AFAP1: variants seen among roughly 807,000 people sequenced by gnomAD.
The protein encoded by AFAP1 is actin filament associated protein 1.
A neutral mutation model predicts 93.9 loss-of-function variants in AFAP1; 75 were observed. The ratio of observed to expected loss-of-function variants is 0.80; its 90% CI spans 0.66 to 0.97. The LOEUF is 0.97. AFAP1 is among the 50% of genes least tolerant of loss of function. The pLI is 0.00. For missense variants in AFAP1, 1,201 were observed against 1,050.8 expected (o/e 1.14, Z -1.98); for synonymous variants, 517 against 430.7 (o/e 1.20, Z -2.48).
intron 5 of AFAP1, among the ~76,000 whole-genome samples, chr4:7,840,916 T>G (rs955120575): frequency 2.0e-5 from 3 of 152,242 alleles, no homozygotes; most frequent in African/African-American, 7.2e-5. Flanking sequence ...AGAGTGATGC[T>G]TTGATACAGA....
intron 4 of AFAP1, among the ~76,000 whole-genome samples, chr4:7,847,849 T>C (rs1713917256): frequency 6.6e-6 from 1 of 151,108 alleles, no homozygotes; most frequent in Non-Finnish European, 1.5e-5. Flanking sequence ...TGTCTACACT[T>C]TGTGTAGAGT....
At chr4:7,775,710 T>C (rs1560149879) in intron 14 of AFAP1, 1 of 152,202 alleles carries the variant, frequency 6.6e-6, no homozygotes, top group East Asian at 1.9e-4. Flanking sequence ...CTTACACTTG[T>C]AGCTGCATGA....
intron 14 of AFAP1, chr4:7,777,773 G>A (rs1160042749): frequency 1.3e-5 from 2 of 152,228 alleles, no homozygotes; most frequent in Non-Finnish European, 2.9e-5. Context: ...TGCCCAGATG[G>A]ACTCAGGAGC....
Position 7,922,923 on chromosome 4 carries a change from AT to A in AFAP1, c.-3+16732del, listed in dbSNP as rs1365689956. Among the ~76,000 whole-genome samples the A allele has an allele frequency of 2.6e-5, 4 of 152,280 alleles. No homozygotes were observed. In the East Asian group the frequency reaches 7.7e-4, roughly 29 times the overall value. Reference sequence around the variant, plus strand: ...GCAGGAGGATCACTTGAGCCCAGGAATTTAGGGTTACAGTGAGCTATGATGG... The same window carrying A: ...GCAGGAGGATCACTTGAGCCCAGGAATTAGGGTTACAGTGAGCTATGATGG... On this transcript the variant is annotated intron_variant, in intron 1 of 17. Coordinates refer to ENST00000420658, the MANE Select transcript of AFAP1 (RefSeq NM_001134647.2).
chr4:7,838,662 C>T lies in AFAP1; in HGVS notation c.588G>A (p.Leu196=). Residue 196 remains leucine, a synonymous_variant, in exon 6 of 18, where the codon CTG becomes CTA. Transcript: ENST00000420658. ...ACGTAATGTTACAGCCTTGGAGTGG[C>T]AGTTCCATCTGAGGCTGCTGGTCCT... ...SSKDQQPQME[L]PLQGCNITYI... 1 of 1,614,108 alleles carries T rather than the reference C, an allele frequency of 6.2e-7. No homozygotes were observed. Among genetic ancestry groups the T allele is most frequent in the Non-Finnish European group, 8.5e-7 (1 of 1,180,022 alleles).
intron 1 of AFAP1, among the ~76,000 whole-genome samples, chr4:7,930,815 ATC>A (rs1380499613): frequency 6.6e-6 from 1 of 152,152 alleles, no homozygotes; most frequent in Non-Finnish European, 1.5e-5. Flanking sequence ...CAGTGGTGCA[ATC>A]TCAGCTCACT....
At chr4:7,862,027 T>C (rs1201753146) in intron 3 of AFAP1, 4 of 152,180 alleles carry the variant, frequency 2.6e-5, no homozygotes, top group African/African-American at 9.7e-5. Context: ...TGGTAACGCC[T>C]GGTATCAAAA....
At chr4:7,844,727 G>T (rs138557991) in intron 4 of AFAP1, among the ~76,000 whole-genome samples, 4 of 152,240 alleles carry the variant, frequency 2.6e-5, no homozygotes, top group South Asian at 2.1e-4. Flanking sequence ...GGCCAATGGC[G>T]TAGTAAAAGG....
At chr4:7,799,566 C>A (rs962762093) in intron 10 of AFAP1, among the ~76,000 whole-genome samples, 3 of 152,152 alleles carry the variant, frequency 2.0e-5, no homozygotes, top group Non-Finnish European at 4.4e-5. Context: ...TGGTTTCTAT[C>A]GATTCTACAG....
At chr4:7,800,784 G>T in intron 9 of AFAP1, 131 bp from the exon 10 acceptor site, 1 of 886,904 alleles carries the variant, frequency 1.1e-6, no homozygotes, top group Non-Finnish European at 1.7e-6. Flanking sequence ...GATCGATCAA[G>T]CTTTAAATGC....
chr4:7,780,469 T>C (rs1287256681), intron 13 of AFAP1, among the ~76,000 whole-genome samples: 1 of 152,228 alleles, frequency 6.6e-6, no homozygotes, highest in Non-Finnish European at 1.5e-5. Context: ...TTCATATTCT[T>C]ACATATGGGC....
chr4:7,919,216 C>T (rs183085844), intron 1 of AFAP1, among the ~76,000 whole-genome samples: 41 of 152,340 alleles, frequency 2.7e-4, no homozygotes, highest in Non-Finnish European at 5.7e-4. Flanking sequence ...CCCGGCCCAA[C>T]GGCGGCAACA....
intron 6 of AFAP1, among the ~76,000 whole-genome samples, chr4:7,823,772 A>C (rs1468407081): frequency 6.6e-6 from 1 of 152,156 alleles, no homozygotes; most frequent in Non-Finnish European, 1.5e-5. Context: ...TAGAACTCAC[A>C]TTGCCCCAGG....
Position 7,873,934 on chromosome 4 carries a change from C to T in AFAP1, c.-2-1854G>A, listed in dbSNP as rs115357402. On this transcript the variant is annotated intron_variant, in intron 1 of 17. Transcript: ENST00000420658. The stretch of plus-strand genomic sequence containing the variant: ...AACTGATACCATTTGTGGCCAAGAA[C>T]AAAAGTTGAGCTTCCAAGTGAAAAA... Among the ~76,000 whole-genome samples the T allele has an allele frequency of 5.9e-3, 893 of 152,264 alleles. 7 individuals are homozygous for T. Among genetic ancestry groups the T allele is most frequent in the African/African-American group, 0.019 (780 of 41,546 alleles).
chr4:7,836,416 G>A (rs1228681667), intron 6 of AFAP1, among the ~76,000 whole-genome samples: 1 of 152,220 alleles, frequency 6.6e-6, no homozygotes, highest in Non-Finnish European at 1.5e-5. Flanking sequence ...AACAGGGGTG[G>A]TGGCAAAAGG....
intron 3 of AFAP1, 72 bp downstream of exon 3, chr4:7,868,550 C>T: frequency 2.2e-6 from 3 of 1,369,594 alleles, no homozygotes; most frequent in Non-Finnish European, 3.0e-6. Flanking sequence ...GCTTCCATCA[C>T]AGGCCCCTGG....
At chr4:7,872,138 T>C in intron 1 of AFAP1, 58 bp from the exon 2 acceptor site, 2 of 1,595,730 alleles carry the variant, frequency 1.3e-6, no homozygotes, top group Non-Finnish European at 8.6e-7. Context: ...TGTCAAAGTA[T>C]GAATACTGAG....
intron 1 of AFAP1, among the ~76,000 whole-genome samples, chr4:7,882,276 C>CA (rs1255392365): frequency 3.3e-5 from 5 of 151,510 alleles, no homozygotes; most frequent in Admixed American, 1.3e-4. Flanking sequence ...CACAAAAAAA[C>CA]AAAAAACAAA....
chr4:7,822,586 CTT>C (rs5855982), intron 6 of AFAP1, among the ~76,000 whole-genome samples: 138 of 132,534 alleles, frequency 1.0e-3, no homozygotes, highest in African/African-American at 3.3e-3. Context: ...TTTCTTTTTT[CTT>C]TTTTTTTTTT....
Sources: allele counts gnomAD v4.1 joint callset (sites outside exome capture counted in the v4.1 genomes callset), GRCh38; gene constraint gnomAD v4.1.1; transcripts MANE v1.5; gene names NCBI Gene and HGNC (gene_info 2026-07-23, HGNC 2026-07-21).